GTF2I: variants seen among roughly 807,000 people sequenced by gnomAD.
The protein encoded by GTF2I is general transcription factor IIi.
Under a neutral mutation model 67.6 loss-of-function variants are expected in GTF2I, and 12 were observed. The ratio of observed to expected loss-of-function variants is 0.18; its 90% CI spans 0.11 to 0.29. GTF2I has a LOEUF of 0.29. GTF2I is among the 10% of genes least tolerant of loss of function. GTF2I has a pLI of 1.00. For missense variants in GTF2I, 271 were observed against 580.1 expected, an observed-to-expected ratio of 0.47 and a Z score of 5.47; for synonymous variants, 149 against 197.0, an observed-to-expected ratio of 0.76 and a Z score of 2.04.
At chr7:74,721,194 G>A (rs1194169550) in intron 12 of GTF2I, among the ~76,000 whole-genome samples, 7 of 151,978 alleles carry the variant, frequency 4.6e-5, no homozygotes, top group Non-Finnish European at 1.0e-4. Flanking sequence ...GGCATGCGCC[G>A]CCATGCTCGG....
intron 9 of GTF2I, 116 bp from the exon 10 acceptor site, chr7:74,714,741 C>A: frequency 4.7e-5 from 22 of 468,502 alleles, no homozygotes; most frequent in East Asian, 7.2e-5. Context: ...TAATTTTTTT[C>A]TTTTTATTTA....
intron 14 of GTF2I, among the ~76,000 whole-genome samples, chr7:74,731,937 G>C (rs1398382605): frequency 1.2e-4 from 18 of 151,560 alleles, no homozygotes; most frequent in African/African-American, 4.1e-4. Context: ...ATAGGCTCTG[G>C]GGACACAGTG....
chr7:74,682,416 T>C (rs1195593629), intron 1 of GTF2I, among the ~76,000 whole-genome samples: 1 of 152,216 alleles, frequency 6.6e-6, no homozygotes, highest in Non-Finnish European at 1.5e-5. Flanking sequence ...ATTACTCTTG[T>C]CCTGAAGGCA....
At chr7:74,683,345 A>G (rs587610266) in intron 1 of GTF2I, among the ~76,000 whole-genome samples, 48 of 152,330 alleles carry the variant, frequency 3.2e-4, no homozygotes, top group Admixed American at 1.0e-3. Context: ...ACACCAACAG[A>G]TAATGAAATA....
chr7:74,662,338 G>A (rs1804580209), intron 1 of GTF2I, among the ~76,000 whole-genome samples: 1 of 150,284 alleles, frequency 6.7e-6, no homozygotes, highest in Non-Finnish European at 1.5e-5. Flanking sequence ...AGCCTCCGGA[G>A]TAGCTGGGAT....
chr7:74,680,091 A>ATAT (rs1460433714), intron 1 of GTF2I, among the ~76,000 whole-genome samples: 2 of 101,844 alleles, frequency 2.0e-5, no homozygotes, highest in African/African-American at 4.7e-5. Context: ...AAAAAAAAAA[A>ATAT]AAAAAAAAAT....
intron 9 of GTF2I, among the ~76,000 whole-genome samples, chr7:74,714,223 G>A (rs2131414295): frequency 6.6e-6 from 1 of 152,146 alleles, no homozygotes; most frequent in Middle Eastern, 3.4e-3. Context: ...TCAAAATATA[G>A]CAGTTTGTGA....
chr7:74,696,485 C>T (rs1448030154), intron 3 of GTF2I, among the ~76,000 whole-genome samples: 3 of 151,330 alleles, frequency 2.0e-5, no homozygotes, highest in Non-Finnish European at 4.4e-5. Flanking sequence ...TGTCACTACA[C>T]TCGGCTAATT....
chr7:74,718,145 A>T lies in GTF2I; in HGVS notation c.881-734A>T, dbSNP rs142242081. 8.5e-3 allele frequency among the ~76,000 whole-genome samples: 1,290 copies of T among 152,306 alleles called. 11 individuals are homozygous for T. The highest frequency in any genetic ancestry group is 0.013 in the Non-Finnish European group (913 of 68,024). On this transcript the variant is annotated intron_variant, in intron 11 of 34. Transcript: ENST00000573035. ...ACCTTGAAGACTGCGTTTTTAGGAC[A>T]TTTTTACTGTCATATTCCAGTGTTA...
At chr7:74,680,003 C>T (rs587643948) in intron 1 of GTF2I, among the ~76,000 whole-genome samples, 9 of 140,876 alleles carry the variant, frequency 6.4e-5, no homozygotes, top group African/African-American at 1.8e-4. Context: ...CGCTTGAACC[C>T]GGGAGGCAGA....
chr7:74,731,697 A>G (rs1378079975), intron 14 of GTF2I, among the ~76,000 whole-genome samples: 3 of 150,192 alleles, frequency 2.0e-5, no homozygotes, highest in Non-Finnish European at 4.5e-5. Flanking sequence ...GGTGCCCGCC[A>G]CCATGCCCAG....
At chr7:74,749,802 C>T (rs1390152172) in intron 26 of GTF2I, among the ~76,000 whole-genome samples, 3 of 136,836 alleles carry the variant, frequency 2.2e-5, no homozygotes, top group Admixed American at 7.5e-5. Flanking sequence ...GCAGGAGAAT[C>T]ACTTGAACCC....
intron 33 of GTF2I, 46 bp downstream of exon 33, chr7:74,758,046 C>CTTCT: frequency 2.9e-5 from 1 of 34,526 alleles, no homozygotes. Context: ...CTTCTTCTTT[C>CTTCT]TTCTTCTTCT....
intron 12 of GTF2I, among the ~76,000 whole-genome samples, chr7:74,721,945 C>G (rs908058636): frequency 1.3e-4 from 20 of 151,902 alleles, no homozygotes; most frequent in African/African-American, 4.4e-4. Flanking sequence ...TTGGAAAATA[C>G]TCATGCTTGG....
At chr7:74,704,852 T>A (rs1024874293) in intron 6 of GTF2I, among the ~76,000 whole-genome samples, 3 of 100,562 alleles carry the variant, frequency 3.0e-5, no homozygotes, top group Non-Finnish European at 5.8e-5. Flanking sequence ...AAAACCCTGT[T>A]TCTAAAAAAA....
intron 6 of GTF2I, among the ~76,000 whole-genome samples, chr7:74,703,914 C>A (rs1790201890): frequency 6.6e-6 from 1 of 152,154 alleles, no homozygotes; most frequent in Admixed American, 6.5e-5. Flanking sequence ...CCGTCCTTTC[C>A]CTCAAGATAT....
chr7:74,698,867 A>G (rs1789338178), intron 3 of GTF2I, 94 bp from the exon 4 acceptor site: 1 of 486,944 alleles, frequency 2.1e-6, no homozygotes, highest in Admixed American at 4.4e-5. Context: ...CTGTTAGGAT[A>G]CAGGAAAACG....
chr7:74,693,815 C>T (rs1554397708), intron 3 of GTF2I, among the ~76,000 whole-genome samples: 1 of 151,880 alleles, frequency 6.6e-6, no homozygotes, highest in East Asian at 1.9e-4. Flanking sequence ...CACTGCACTC[C>T]AGCCTGGCGA....
chr7:74,724,067 G>T (rs1793448719), intron 12 of GTF2I, among the ~76,000 whole-genome samples: 1 of 152,170 alleles, frequency 6.6e-6, no homozygotes. Context: ...TTTCTTAAAT[G>T]TCTCTGCAGC....
Sources: allele counts gnomAD v4.1 joint callset (sites outside exome capture counted in the v4.1 genomes callset), GRCh38; gene constraint gnomAD v4.1.1; transcripts MANE v1.5; gene names NCBI Gene and HGNC (gene_info 2026-07-23, HGNC 2026-07-21).